Variants in HOMER1 observed in about 807,000 individuals in gnomAD.
HOMER1 encodes homer scaffold protein 1, also known as homer protein homolog 1.
In HOMER1, 3 loss-of-function variants were observed where a neutral mutation model predicts 48.9. That is an observed-to-expected ratio of 0.06 (90% CI 0.03 to 0.16). HOMER1 has a LOEUF of 0.16. HOMER1 is among the 10% of genes least tolerant of loss of function. The pLI is 1.00. For synonymous variants in HOMER1, 134 were observed against 146.4 expected, an observed-to-expected ratio of 0.92 and a Z score of 0.61; for missense variants, 247 against 411.4, an observed-to-expected ratio of 0.60 and a Z score of 3.46.
At chr5:79,410,489 C>CAAAAAAAAAAAAA (rs59290866) in intron 5 of HOMER1, among the ~76,000 whole-genome samples, 1 of 105,148 alleles carries the variant, frequency 9.5e-6, no homozygotes, top group Non-Finnish European at 2.1e-5. Flanking sequence ...AACTCTATCT[C>CAAAAAAAAAAAAA]AAAAAAAAAA....
At chr5:79,510,517 A>G in intron 1 of HOMER1, 2 of 729,730 alleles carry the variant, frequency 2.7e-6, no homozygotes, top group East Asian at 2.6e-5. Flanking sequence ...AAGCACAAAG[A>G]TACGAATCTC....
At chr5:79,432,574 A>G (rs550114288) in intron 5 of HOMER1, among the ~76,000 whole-genome samples, 1 of 152,286 alleles carries the variant, frequency 6.6e-6, no homozygotes, top group East Asian at 1.9e-4. Flanking sequence ...TTACCAAGTG[A>G]TAGTGCTTGA....
At chr5:79,418,944 A>G (rs1387638282) in intron 5 of HOMER1, among the ~76,000 whole-genome samples, 5 of 152,254 alleles carry the variant, frequency 3.3e-5, no homozygotes, top group Non-Finnish European at 7.3e-5. Flanking sequence ...TGCTGTAATC[A>G]AAAGGAAAAG....
intron 8 of HOMER1, among the ~76,000 whole-genome samples, chr5:79,385,480 T>C (rs2112196530): frequency 6.6e-6 from 1 of 152,226 alleles, no homozygotes; most frequent in African/African-American, 2.4e-5. Context: ...ATATTATGGC[T>C]AACAGGTATA....
chr5:79,453,263 T>G (rs991217186), intron 2 of HOMER1, among the ~76,000 whole-genome samples: 11 of 152,192 alleles, frequency 7.2e-5, no homozygotes, highest in African/African-American at 2.7e-4. Flanking sequence ...GGGATCTCTG[T>G]GTTTTCTGAC....
chr5:79,453,247 T>C (rs981988117), intron 2 of HOMER1, among the ~76,000 whole-genome samples: 4 of 152,188 alleles, frequency 2.6e-5, no homozygotes, highest in African/African-American at 9.6e-5. Context: ...GGGGCACATC[T>C]GAACTGGGAT....
chr5:79,441,980 T>C (rs1377491536), intron 4 of HOMER1, among the ~76,000 whole-genome samples: 6 of 151,136 alleles, frequency 4.0e-5, no homozygotes, highest in Admixed American at 6.6e-5. Context: ...TGTGTGTGTG[T>C]GTGTGTATAC....
intron 2 of HOMER1, among the ~76,000 whole-genome samples, chr5:79,454,457 G>T (rs553371401): frequency 2.1e-3 from 319 of 151,952 alleles, no homozygotes; most frequent in Non-Finnish European, 3.4e-3. Context: ...TAAGGGAAAA[G>T]AAATAAACAC....
intron 8 of HOMER1, among the ~76,000 whole-genome samples, chr5:79,388,026 CAGAAGAGT>C (rs762008136): frequency 2.0e-5 from 3 of 152,046 alleles, no homozygotes; most frequent in Non-Finnish European, 4.4e-5. Context: ...GGGCAATGCC[CAGAAGAGT>C]AGAGAACAAA....
At chr5:79,434,912 G>A (rs959913221) in intron 5 of HOMER1, among the ~76,000 whole-genome samples, 1 of 152,114 alleles carries the variant, frequency 6.6e-6, no homozygotes, top group Non-Finnish European at 1.5e-5. Context: ...TAATAGCTTA[G>A]TAAATAAGTT....
intron 5 of HOMER1, among the ~76,000 whole-genome samples, chr5:79,434,423 A>G (rs1561362371): frequency 1.3e-5 from 2 of 152,234 alleles, no homozygotes; most frequent in Non-Finnish European, 1.5e-5. Context: ...AAAGAGAACA[A>G]AACCTTCCCT....
chr5:79,508,293 G>A (rs965554556), intron 1 of HOMER1, among the ~76,000 whole-genome samples: 2 of 152,036 alleles, frequency 1.3e-5, no homozygotes, highest in African/African-American at 4.8e-5. Context: ...AAAATAGAAC[G>A]GAACAGAATA....
intron 1 of HOMER1, among the ~76,000 whole-genome samples, chr5:79,479,946 G>A (rs149254902): frequency 1.1e-3 from 166 of 152,138 alleles, no homozygotes; most frequent in African/African-American, 3.8e-3. Context: ...GGGTATCTTC[G>A]ACTGCACTGT....
chr5:79,457,227 C>A (rs1293737108), intron 1 of HOMER1, among the ~76,000 whole-genome samples: 3 of 152,200 alleles, frequency 2.0e-5, no homozygotes, highest in Non-Finnish European at 4.4e-5. Context: ...TTTGAAGAGT[C>A]TGTACATGTG....
At chr5:79,414,839 G>C (rs976926506) in intron 5 of HOMER1, among the ~76,000 whole-genome samples, 1 of 151,966 alleles carries the variant, frequency 6.6e-6, no homozygotes, top group Admixed American at 6.6e-5. Flanking sequence ...ACATAGCCTG[G>C]CATGTCTGGA....
At chr5:79,398,919 C>A (rs909470729) in intron 6 of HOMER1, among the ~76,000 whole-genome samples, 15 of 152,204 alleles carry the variant, frequency 9.9e-5, no homozygotes, top group Non-Finnish European at 1.6e-4. Flanking sequence ...CTTAGCTCAG[C>A]ATGTGCTTTC....
chr5:79,418,356 C>T (rs755773248), intron 5 of HOMER1, among the ~76,000 whole-genome samples: 53 of 152,098 alleles, frequency 3.5e-4, no homozygotes, highest in Non-Finnish European at 5.1e-4. Context: ...TGATCGGCCT[C>T]GATGGAAGCA....
At chr5:79,405,404 A>AT (rs34890251) in intron 5 of HOMER1, among the ~76,000 whole-genome samples, 5 of 152,176 alleles carry the variant, frequency 3.3e-5, no homozygotes, top group Non-Finnish European at 7.3e-5. Context: ...AATAAACATA[A>AT]TTTTTTAAAC....
intron 1 of HOMER1, among the ~76,000 whole-genome samples, chr5:79,493,133 G>T (rs1478560427): frequency 6.6e-6 from 1 of 151,980 alleles, no homozygotes; most frequent in East Asian, 1.9e-4. Context: ...TGGCCAGGCT[G>T]GTCTTGAACT....
Sources: allele counts gnomAD v4.1 joint callset (sites outside exome capture counted in the v4.1 genomes callset), GRCh38; gene constraint gnomAD v4.1.1; transcripts MANE v1.5; gene names NCBI Gene and HGNC (gene_info 2026-07-23, HGNC 2026-07-21).